CSGALNACT1: variants seen among roughly 807,000 people sequenced by gnomAD.
CSGALNACT1 encodes chondroitin sulfate N-acetylgalactosaminyltransferase 1.
CSGALNACT1 carries 52 observed loss-of-function variants against 51.0 expected under a neutral mutation model. That is an observed-to-expected ratio of 1.02 (90% CI 0.82 to 1.29). The LOEUF is 1.29. CSGALNACT1 is among the 50% of genes most tolerant of loss of function. CSGALNACT1 has a pLI of 0.00. For missense variants in CSGALNACT1, 935 were observed against 679.2 expected, an observed-to-expected ratio of 1.38 and a Z score of -4.19; for synonymous variants, 341 against 254.4, an observed-to-expected ratio of 1.34 and a Z score of -3.24.
chr8:19,585,773 A>G (rs982122430), intron 3 of CSGALNACT1, among the ~76,000 whole-genome samples: 1 of 152,054 alleles, frequency 6.6e-6, no homozygotes, highest in Non-Finnish European at 1.5e-5. Context: ...CTTCAATTCA[A>G]CCTCCATGTT....
intron 3 of CSGALNACT1, among the ~76,000 whole-genome samples, chr8:19,517,462 A>C (rs1409656980): frequency 6.6e-6 from 1 of 152,168 alleles, no homozygotes; most frequent in African/African-American, 2.4e-5. Flanking sequence ...AAGAAGAAAA[A>C]GAGAATATCT....
intron 1 of CSGALNACT1, among the ~76,000 whole-genome samples, chr8:19,687,685 C>G (rs964121724): frequency 6.6e-6 from 1 of 152,166 alleles, no homozygotes; most frequent in African/African-American, 2.4e-5. Flanking sequence ...AGAAATGAAA[C>G]TCCATTCACC....
chr8:19,633,529 G>C (rs1298815729), intron 1 of CSGALNACT1, among the ~76,000 whole-genome samples: 2 of 152,146 alleles, frequency 1.3e-5, no homozygotes, highest in Non-Finnish European at 2.9e-5. Flanking sequence ...TATGGCTATT[G>C]TCCTCTTAAC....
chr8:19,710,029 A>G (rs947443429), intron 1 of CSGALNACT1, among the ~76,000 whole-genome samples: 3 of 152,146 alleles, frequency 2.0e-5, no homozygotes, highest in Non-Finnish European at 2.9e-5. Context: ...GAGGCAAGAC[A>G]TGTGTGAAAT....
intron 6 of CSGALNACT1, among the ~76,000 whole-genome samples, chr8:19,426,447 A>T (rs2058789619): frequency 6.6e-6 from 1 of 152,256 alleles, no homozygotes; most frequent in Non-Finnish European, 1.5e-5. Flanking sequence ...ACTCATACAA[A>T]GAAATACAAT....
chr8:19,479,627 C>T (rs956763667), intron 4 of CSGALNACT1, among the ~76,000 whole-genome samples: 2 of 152,044 alleles, frequency 1.3e-5, no homozygotes, highest in Non-Finnish European at 2.9e-5. Context: ...CTGTTCTAAC[C>T]AGGCAAATAC....
At chr8:19,446,193 A>G (rs543883258) in intron 5 of CSGALNACT1, among the ~76,000 whole-genome samples, 1 of 152,288 alleles carries the variant, frequency 6.6e-6, no homozygotes, top group Admixed American at 6.5e-5. Context: ...TAAGTAAGTA[A>G]GTAAGTAAAA....
At chr8:19,436,777 G>T (rs1196060327) in intron 6 of CSGALNACT1, among the ~76,000 whole-genome samples, 1 of 152,040 alleles carries the variant, frequency 6.6e-6, no homozygotes, top group Non-Finnish European at 1.5e-5. Context: ...CGGGCATGGT[G>T]GCACATGCTT....
At chr8:19,667,773 A>G (rs1386170479) in intron 1 of CSGALNACT1, among the ~76,000 whole-genome samples, 1 of 152,242 alleles carries the variant, frequency 6.6e-6, no homozygotes, top group African/African-American at 2.4e-5. Context: ...AACTTAAGCC[A>G]CAGAAAATGT....
rs138950661 is a variant in CSGALNACT1 at position 19,511,365 on chromosome 8, G to C, written c.-296-5235C>G. Among the ~76,000 whole-genome samples the C allele has an allele frequency of 2.9e-3, 445 of 152,344 alleles. 3 individuals are homozygous for C. Among genetic ancestry groups the C allele is most frequent in the Non-Finnish European group, 5.4e-3 (365 of 68,034 alleles). Reference sequence around the variant, plus strand: ...CTTGGGCACATACAATCAGCTCTTTGACAGCAAGGGCACAAACTAACCTTC... The same window carrying C: ...CTTGGGCACATACAATCAGCTCTTTCACAGCAAGGGCACAAACTAACCTTC... On this transcript the variant is annotated intron_variant, in intron 3 of 9. Transcript: ENST00000454498.
At chr8:19,599,823 G>C (rs1009844628) in intron 2 of CSGALNACT1, among the ~76,000 whole-genome samples, 2 of 152,152 alleles carry the variant, frequency 1.3e-5, no homozygotes, top group African/African-American at 2.4e-5. Context: ...CACCAGACTT[G>C]AAAGAAACCA....
chr8:19,541,733 C>A (rs1245954653), intron 3 of CSGALNACT1, among the ~76,000 whole-genome samples: 2 of 151,622 alleles, frequency 1.3e-5, no homozygotes, highest in Admixed American at 6.6e-5. Context: ...GTAATTTTTA[C>A]TATTGTTAGT....
chr8:19,476,141 T>C (rs971851045), intron 4 of CSGALNACT1, among the ~76,000 whole-genome samples: 1 of 152,228 alleles, frequency 6.6e-6, no homozygotes, highest in Non-Finnish European at 1.5e-5. Context: ...CAACTGAATA[T>C]GGCCATTTTT....
intron 3 of CSGALNACT1, among the ~76,000 whole-genome samples, chr8:19,589,078 T>C (rs1403590215): frequency 6.6e-6 from 1 of 152,174 alleles, no homozygotes; most frequent in Non-Finnish European, 1.5e-5. Context: ...CGGCTGACTA[T>C]GTTTGTGGTC....
chr8:19,659,978 G>A (rs1447808809), intron 1 of CSGALNACT1, among the ~76,000 whole-genome samples: 5 of 152,204 alleles, frequency 3.3e-5, no homozygotes, highest in Non-Finnish European at 5.9e-5. Context: ...TTTCTTTGTA[G>A]TAGTTCATTT....
intron 3 of CSGALNACT1, among the ~76,000 whole-genome samples, chr8:19,567,833 T>A (rs190914989): frequency 2.0e-5 from 3 of 152,254 alleles, no homozygotes; most frequent in Admixed American, 2.0e-4. Flanking sequence ...AAAAATCAAT[T>A]CTATTTTAAT....
intron 6 of CSGALNACT1, among the ~76,000 whole-genome samples, chr8:19,422,021 C>A (rs1295306745): frequency 6.6e-6 from 1 of 152,170 alleles, no homozygotes; most frequent in Non-Finnish European, 1.5e-5. Flanking sequence ...CTAAACCTAG[C>A]TGTGCCTCTG....
chr8:19,515,733 A>G (rs1050911142), intron 3 of CSGALNACT1, among the ~76,000 whole-genome samples: 1 of 151,878 alleles, frequency 6.6e-6, no homozygotes, highest in Non-Finnish European at 1.5e-5. Flanking sequence ...TTTTATTTTG[A>G]TTTTTAATTT....
intron 3 of CSGALNACT1, among the ~76,000 whole-genome samples, chr8:19,568,017 G>A (rs1212027386): frequency 6.6e-6 from 1 of 150,628 alleles, no homozygotes; most frequent in African/African-American, 2.5e-5. Context: ...ATATGTTTTA[G>A]TCTCAACAAA....
Sources: gnomAD v4.1 joint callset for allele counts (sites outside exome capture counted in the v4.1 genomes callset) on GRCh38, gnomAD v4.1.1 for gene constraint, MANE v1.5 for transcripts, NCBI Gene and HGNC (gene_info 2026-07-23, HGNC 2026-07-21) for gene names.